The following EFNA5 variants were observed in gnomAD, a reference collection of about 807,000 sequenced individuals.
EFNA5 encodes the protein ephrin A5.
EFNA5 carries 5 observed loss-of-function variants against 22.9 expected under a neutral mutation model. The observed-to-expected ratio is 0.22, with a 90% CI of 0.11 to 0.46. EFNA5 has a LOEUF of 0.46. Ranked by LOEUF, EFNA5 falls within the 20% of genes least tolerant of loss-of-function variation. EFNA5 has a pLI of 0.99. For synonymous variants in EFNA5, 113 were observed against 112.2 expected (o/e 1.01, Z -0.04); for missense variants, 237 against 293.3 (o/e 0.81, Z 1.40).
intron 1 of EFNA5, among the ~76,000 whole-genome samples, chr5:107,561,433 A>G (rs1748541478): frequency 6.6e-6 from 1 of 152,144 alleles, no homozygotes; most frequent in Admixed American, 6.5e-5. Flanking sequence ...CAATGGCGCT[A>G]TCTTGGCCCA....
chr5:107,510,218 A>T (rs1280600997), intron 1 of EFNA5, among the ~76,000 whole-genome samples: 1 of 152,174 alleles, frequency 6.6e-6, no homozygotes, highest in African/African-American at 2.4e-5. Context: ...TAATTACAAC[A>T]CATTAGCATG....
At chr5:107,421,393 T>C (rs1029640798) in intron 2 of EFNA5, among the ~76,000 whole-genome samples, 1 of 152,214 alleles carries the variant, frequency 6.6e-6, no homozygotes, top group Non-Finnish European at 1.5e-5. Flanking sequence ...TATAGATCTC[T>C]CATTAAAACA....
intron 1 of EFNA5, among the ~76,000 whole-genome samples, chr5:107,643,276 G>C (rs1417439519): frequency 6.6e-6 from 1 of 152,166 alleles, no homozygotes; most frequent in African/African-American, 2.4e-5. Flanking sequence ...TGGACTGTAT[G>C]GACTTTAGTG....
chr5:107,460,227 CTGATGCCATCCTCATATTGA>C (rs557410842), intron 1 of EFNA5, among the ~76,000 whole-genome samples: 1 of 152,176 alleles, frequency 6.6e-6, no homozygotes, highest in Admixed American at 6.5e-5. Context: ...TTTGATTTTG[CTGATGCCATCCTCATATTGA>C]TGAGACGAGA....
At chr5:107,657,850 A>C (rs570520509) in intron 1 of EFNA5, among the ~76,000 whole-genome samples, 1 of 152,174 alleles carries the variant, frequency 6.6e-6, no homozygotes, top group East Asian at 1.9e-4. Context: ...ACACAGAGTG[A>C]AGATCAGTAA....
At chr5:107,387,518 G>A (rs952425806) in intron 3 of EFNA5, among the ~76,000 whole-genome samples, 188 bp downstream of exon 3, 15 of 152,058 alleles carry the variant, frequency 9.9e-5, no homozygotes, top group African/African-American at 3.4e-4. Flanking sequence ...CAACTGCTGT[G>A]TACTTAAGTA....
At chr5:107,456,397 C>T (rs1221626441) in intron 1 of EFNA5, among the ~76,000 whole-genome samples, 5 of 152,154 alleles carry the variant, frequency 3.3e-5, no homozygotes, top group Admixed American at 3.3e-4. Flanking sequence ...AAGAAGCCAG[C>T]TGTTCATGCA....
At chr5:107,587,195 G>A (rs527453528) in intron 1 of EFNA5, among the ~76,000 whole-genome samples, 55 of 152,170 alleles carry the variant, frequency 3.6e-4, no homozygotes, top group Non-Finnish European at 1.0e-4. Context: ...AAAAATTCTC[G>A]ATAACATGCT....
At chr5:107,640,478 C>T (rs1386674360) in intron 1 of EFNA5, among the ~76,000 whole-genome samples, 1 of 152,168 alleles carries the variant, frequency 6.6e-6, no homozygotes, top group Admixed American at 6.5e-5. Context: ...ATAATCGTGA[C>T]ATTATAAAAC....
chr5:107,423,586 G>A (rs551875593), intron 2 of EFNA5, among the ~76,000 whole-genome samples: 2 of 152,162 alleles, frequency 1.3e-5, no homozygotes, highest in Admixed American at 1.3e-4. Flanking sequence ...TTTCCTTTAG[G>A]AAGTCTATAT....
At chr5:107,420,535 A>G (rs56047835) in intron 2 of EFNA5, among the ~76,000 whole-genome samples, 6,308 of 108,364 alleles carry the variant, frequency 0.058, 468 homozygotes, top group African/African-American at 0.16. Flanking sequence ...AAAAAAAAAA[A>G]AAAAAGAAAA....
chr5:107,639,197 G>A (rs79465381), intron 1 of EFNA5, among the ~76,000 whole-genome samples: 1 of 152,232 alleles, frequency 6.6e-6, no homozygotes, highest in Non-Finnish European at 1.5e-5. Context: ...AAAATGGGGG[G>A]TTATTATTTA....
chr5:107,629,234 T>C (rs1326293564), intron 1 of EFNA5, among the ~76,000 whole-genome samples: 2 of 152,164 alleles, frequency 1.3e-5, no homozygotes, highest in Admixed American at 6.5e-5. Flanking sequence ...TATTAATAAA[T>C]GATTACTAAA....
At chr5:107,519,564 G>A (rs1747552789) in intron 1 of EFNA5, among the ~76,000 whole-genome samples, 1 of 152,086 alleles carries the variant, frequency 6.6e-6, no homozygotes, top group South Asian at 2.1e-4. Flanking sequence ...AAGTTCTAAG[G>A]GAAAAACATA....
chr5:107,657,003 A>G (rs1199232406), intron 1 of EFNA5, among the ~76,000 whole-genome samples: 2 of 152,274 alleles, frequency 1.3e-5, no homozygotes, highest in Non-Finnish European at 1.5e-5. Context: ...AATTCAAAAC[A>G]AAAAAGTACA....
chr5:107,591,953 TATATAATATATATA>T (rs1749356886), intron 1 of EFNA5, among the ~76,000 whole-genome samples: 9 of 20,818 alleles, frequency 4.3e-4, no homozygotes, highest in Non-Finnish European at 7.5e-4. Flanking sequence ...TTATATATAA[TATATAATATATATA>T]ATATATATAA....
intron 1 of EFNA5, among the ~76,000 whole-genome samples, chr5:107,536,825 G>A (rs1225535320): frequency 2.0e-5 from 3 of 152,098 alleles, no homozygotes; most frequent in Non-Finnish European, 4.4e-5. Flanking sequence ...TAGATTTTTC[G>A]GCCGGGTGCA....
intron 1 of EFNA5, among the ~76,000 whole-genome samples, chr5:107,454,158 T>C (rs1183443146): frequency 6.6e-6 from 1 of 152,180 alleles, no homozygotes; most frequent in Non-Finnish European, 1.5e-5. Flanking sequence ...ATATTCAGGC[T>C]TTCCAAAAGT....
At chr5:107,423,440 C>T (rs1020919399) in intron 2 of EFNA5, among the ~76,000 whole-genome samples, 3 of 147,364 alleles carry the variant, frequency 2.0e-5, no homozygotes, top group African/African-American at 7.5e-5. Context: ...CAGGGTTTTG[C>T]TATGTTGCCC....
Sources: gnomAD v4.1 joint callset for allele counts (sites outside exome capture counted in the v4.1 genomes callset) on GRCh38, gnomAD v4.1.1 for gene constraint, MANE v1.5 for transcripts, NCBI Gene and HGNC (gene_info 2026-07-23, HGNC 2026-07-21) for gene names.